COL28A1: variants seen among roughly 807,000 people sequenced by gnomAD.
COL28A1 encodes collagen type XXVIII alpha 1 chain.
In COL28A1, 161 loss-of-function variants were observed where a neutral mutation model predicts 150.2. The ratio of observed to expected loss-of-function variants is 1.07; its 90% confidence interval spans 0.94 to 1.22. The LOEUF (loss-of-function observed/expected upper bound fraction) is 1.22, where lower values mean the gene tolerates loss of function less well. Among genes scored for constraint, COL28A1 ranks in the 50% most tolerant of loss-of-function variants. The pLI is 0.00. For synonymous variants in COL28A1, 552 were observed against 469.7 expected (o/e 1.18, Z -2.26); for missense variants, 1,617 against 1,388.3 (o/e 1.16, Z -2.62).
Position 7,509,152 on chromosome 7 carries a change from A to G in COL28A1, c.927+1939T>C, listed in dbSNP as rs73049758. Among the ~76,000 whole-genome samples the G allele has an allele frequency of 9.7e-3, 1,466 of 151,806 alleles. 12 individuals are homozygous for G. The highest frequency in any genetic ancestry group is 0.016 in the Non-Finnish European group (1,106 of 67,884). ...CCCAGCCTATTTTGTTTTTTTTGAG[A>G]CAGGGTTTCGCTCTGTTACCCAAAC... On this transcript the variant is annotated intron_variant, in intron 9 of 34. Coordinates refer to ENST00000399429, the MANE Select transcript of COL28A1 (RefSeq NM_001037763.3).
At chr7:7,515,083 T>A (rs760941329) in intron 8 of COL28A1, among the ~76,000 whole-genome samples, 27 of 152,184 alleles carry the variant, frequency 1.8e-4, no homozygotes, top group Non-Finnish European at 3.5e-4. Flanking sequence ...CTCTTTCTCA[T>A]GCCTGAAGGT....
chr7:7,524,648 C>T (rs1293076949), intron 3 of COL28A1, among the ~76,000 whole-genome samples: 1 of 152,048 alleles, frequency 6.6e-6, no homozygotes, highest in African/African-American at 2.4e-5. Context: ...TTTTTCCATC[C>T]CTATGCACAT....
At chr7:7,428,003 C>T (rs1784739869) in intron 25 of COL28A1, among the ~76,000 whole-genome samples, 1 of 152,124 alleles carries the variant, frequency 6.6e-6, no homozygotes, top group Non-Finnish European at 1.5e-5. Context: ...AATGTAGTAT[C>T]AAAAATGTTT....
chr7:7,451,927 C>G (rs576185853), intron 18 of COL28A1, among the ~76,000 whole-genome samples: 1 of 152,110 alleles, frequency 6.6e-6, no homozygotes, highest in Non-Finnish European at 1.5e-5. Context: ...TGAAGTTGAG[C>G]GCTCAACTGG....
In COL28A1 at chr7:7,456,116, C is replaced by A; in HGVS notation, c.1303-4G>T. On this transcript the variant is annotated splice_region_variant and splice_polypyrimidine_tract_variant and intron_variant, in intron 15 of 34. Transcript: ENST00000399429. ...GTCCCACAGGTCCTATATCCCCCTG[C>A]ACAGAAAATAAGCCAGGAAATATAA... 1 of 1,611,228 alleles carries A rather than the reference C, an allele frequency of 6.2e-7. No homozygotes were observed. Among genetic ancestry groups the A allele is most frequent in the Non-Finnish European group, 8.5e-7 (1 of 1,178,588 alleles).
chr7:7,372,161 A>G (rs567136632), intron 32 of COL28A1, among the ~76,000 whole-genome samples: 148 of 152,156 alleles, frequency 9.7e-4, no homozygotes, highest in African/African-American at 3.4e-3. Flanking sequence ...GCACTTTGGG[A>G]GGCCGAGGCG....
chr7:7,370,809 T>C lies in COL28A1; in HGVS notation c.2982A>G (p.Ser994=), dbSNP rs764013924. 1 of 1,613,726 alleles carries C rather than the reference T, an allele frequency of 6.2e-7. No homozygotes were observed. Among genetic ancestry groups the C allele is most frequent in the African/African-American group, 1.3e-5 (1 of 74,896 alleles). ...FDSYLVQIFG[S]SSPQPGFGMS... ...TCCCAAATCCAGGTTGAGGTGACGA[T>C]GAACCAAAAATTTGAACGAGATAGG... Residue 994 remains serine, a synonymous_variant, in exon 33 of 35, where the codon TCA becomes TCG. Transcript: ENST00000399429.
At chr7:7,490,469 C>T in intron 12 of COL28A1, 109 bp downstream of exon 12, 1 of 528,956 alleles carries the variant, frequency 1.9e-6, no homozygotes, top group South Asian at 3.8e-5. Context: ...CTTCAGGAAG[C>T]CTCCTTGTGT....
chr7:7,362,896 G>A (rs1246009991), intron 33 of COL28A1, among the ~76,000 whole-genome samples: 4 of 152,012 alleles, frequency 2.6e-5, no homozygotes, highest in Middle Eastern at 3.2e-3. Context: ...GGGTCTCGCT[G>A]TGTTGCCCAG....
intron 27 of COL28A1, among the ~76,000 whole-genome samples, chr7:7,408,237 G>C (rs1783596684): frequency 6.6e-6 from 1 of 152,098 alleles, no homozygotes; most frequent in Non-Finnish European, 1.5e-5. Context: ...CAAGATCAAA[G>C]ACAAATTGCT....
chr7:7,520,108 T>C lies in COL28A1; in HGVS notation c.767A>G (p.His256Arg), dbSNP rs1013286489. ...CTCACCTTTGATACCTGGATTTCCATGTGTACCCTGAAGGCAAAGGGAAAA... is the reference window on the plus strand; with the variant it reads ...CTCACCTTTGATACCTGGATTTCCACGTGTACCCTGAAGGCAAAGGGAAAA... ...DPGDPGPPGTHGNPGIKGERG... is the reference protein window; with the variant it reads ...DPGDPGPPGTRGNPGIKGERG... The change falls in exon 6 of 35, where the codon CAT (histidine) becomes CGT (arginine). Residue 256 changes from histidine to arginine, a missense_variant. Coordinates refer to ENST00000399429, the MANE Select transcript of COL28A1 (RefSeq NM_001037763.3). 2.2e-6 allele frequency: 3 copies of C among 1,340,754 alleles called. No homozygotes were observed. Among genetic ancestry groups the C allele is most frequent in the Non-Finnish European group, 3.2e-6 (3 of 932,110 alleles). 83.1% of individuals were successfully genotyped at this position (1,340,754 alleles called of 1,614,324 possible).
intron 13 of COL28A1, among the ~76,000 whole-genome samples, chr7:7,478,597 C>T (rs889512394): frequency 1.1e-4 from 16 of 152,252 alleles, no homozygotes; most frequent in East Asian, 3.9e-4. Flanking sequence ...GAGCAGGGGC[C>T]GTGCTCCTTG....
At position 7,358,504 on chromosome 7, in the gene COL28A1, G is replaced by T; in HGVS notation, c.*129C>A. The T allele has an allele frequency of 2.4e-6, 2 of 846,604 alleles. No individual in the cohort carries two copies. Among genetic ancestry groups the T allele is most frequent in the Non-Finnish European group, 3.7e-6 (2 of 534,280 alleles). 52.4% of individuals were successfully genotyped at this position (846,604 alleles called of 1,614,324 possible). On this transcript the variant is annotated 3_prime_UTR_variant, in exon 35 of 35. Coordinates refer to ENST00000399429, the MANE Select transcript of COL28A1 (RefSeq NM_001037763.3). ...TATGTACATCCTAGGGCTGTAGTGA[G>T]AATTCAATTACATGTATAAGTTGTA...
Position 7,452,358 on chromosome 7 carries a change from G to A in COL28A1, c.1470C>T (p.Gly490=), listed in dbSNP as rs781585390. 3 of 1,604,864 alleles carry A rather than the reference G, an allele frequency of 1.9e-6. No homozygotes were observed. The highest frequency in any genetic ancestry group is 2.5e-6 in the Non-Finnish European group (3 of 1,177,914). ...CTCCAATTCCCACTGGTCCTCGAGG[G>A]CCTGTAGGTCCCATTTGGCCTACTT... The part of the protein sequence containing the change: ...KGEVGQMGPT[G]PRGPVGIGVQ... The change falls in exon 18 of 35, where the codon GGC becomes GGT. Residue 490 remains glycine, a synonymous_variant. Transcript: ENST00000399429.
At chr7:7,355,706 T>C (rs542526709), downstream of COL28A1, among the ~76,000 whole-genome samples, 12 of 152,246 alleles carry the variant, frequency 7.9e-5, no homozygotes, top group African/African-American at 2.9e-4. Flanking sequence ...TATCAAGCAA[T>C]GGGAACTTTT....
At chr7:7,387,278 C>G (rs1365075215) in intron 27 of COL28A1, among the ~76,000 whole-genome samples, 1 of 152,072 alleles carries the variant, frequency 6.6e-6, no homozygotes, top group African/African-American at 2.4e-5. Flanking sequence ...TAGATGCCTC[C>G]TCGTACGGGT....
chr7:7,356,424 C>T (rs1780358089), downstream of COL28A1: 1 of 152,154 alleles, frequency 6.6e-6, no homozygotes, highest in Non-Finnish European at 1.5e-5. Context: ...TTGCTTCATT[C>T]TCTAGGTGAT....
intron 33 of COL28A1, among the ~76,000 whole-genome samples, chr7:7,362,766 T>C (rs972020802): frequency 2.6e-5 from 4 of 152,250 alleles, no homozygotes; most frequent in African/African-American, 9.6e-5. Context: ...AGAATGATCC[T>C]GTATGCAGAT....
chr7:7,517,860 A>T (rs141199221), intron 6 of COL28A1, 23 bp from the exon 7 acceptor site: 1 of 1,613,584 alleles, frequency 6.2e-7, no homozygotes, highest in African/African-American at 1.3e-5. Context: ...AAAAACAGTA[A>T]AAATTCCACA....
Sources: gnomAD v4.1 joint callset for allele counts (sites outside exome capture counted in the v4.1 genomes callset) on GRCh38, gnomAD v4.1.1 for gene constraint, MANE v1.5 for transcripts, NCBI Gene and HGNC (gene_info 2026-07-23, HGNC 2026-07-21) for gene names.